EYA3: variants seen among roughly 807,000 people sequenced by gnomAD.
EYA3 encodes protein phosphatase EYA3.
A neutral mutation model predicts 80.0 loss-of-function variants in EYA3; 39 were observed. That is an observed-to-expected ratio of 0.49 (90% CI 0.38 to 0.64). EYA3 has a LOEUF of 0.64. EYA3 is among the 30% of genes least tolerant of loss of function. EYA3 has a pLI of 0.00. For synonymous variants in EYA3, 206 were observed against 232.8 expected (o/e 0.88, Z 1.05); for missense variants, 523 against 676.1 (o/e 0.77, Z 2.51).
At chr1:28,032,558 A>G (rs1350063074) in intron 6 of EYA3, among the ~76,000 whole-genome samples, 1 of 152,136 alleles carries the variant, frequency 6.6e-6, no homozygotes, top group African/African-American at 2.4e-5. Flanking sequence ...AGTTCTTTTA[A>G]AAGAAATCAG....
chr1:28,023,413 A>G (rs1032496212), intron 7 of EYA3, among the ~76,000 whole-genome samples: 1 of 152,202 alleles, frequency 6.6e-6, no homozygotes, highest in African/African-American at 2.4e-5. Context: ...GGGAGGAAAG[A>G]GTAACTTTAT....
intron 10 of EYA3, among the ~76,000 whole-genome samples, chr1:28,005,787 C>G (rs1270452012): frequency 6.6e-6 from 1 of 151,818 alleles, no homozygotes; most frequent in Admixed American, 6.6e-5. Context: ...AGAGGTAAAC[C>G]AAATTCAGCA....
At chr1:28,064,444 AG>A (rs1473912707) in intron 1 of EYA3, among the ~76,000 whole-genome samples, 1 of 151,184 alleles carries the variant, frequency 6.6e-6, no homozygotes, top group African/African-American at 2.4e-5. Context: ...AAAAAAAAAA[AG>A]AAGTGAACAA....
In EYA3 at chr1:28,042,783, T is replaced by C. The variant is rs72658322; in HGVS notation, c.78-133A>G. On this transcript the variant is annotated intron_variant, in intron 3 of 17. Transcript: ENST00000373871. Reference sequence around the variant, plus strand: ...GTAAATCTTCGTGATATCCTTATTGTTGATTTTTAACAACTACTTGAAGAG... The same window carrying C: ...GTAAATCTTCGTGATATCCTTATTGCTGATTTTTAACAACTACTTGAAGAG... 5,246 of 691,086 alleles carry C rather than the reference T, an allele frequency of 7.6e-3. 29 individuals carry two copies. Among genetic ancestry groups the C allele is most frequent in the African/African-American group, 0.017 (946 of 55,874 alleles). 42.8% of individuals were successfully genotyped at this position (691,086 alleles called of 1,614,324 possible).
In EYA3 at chr1:27,970,365, T is replaced by G. The variant is rs1357481868; in HGVS notation, c.*4101A>C. 1.3e-5 allele frequency: 2 copies of G among 152,216 alleles called. No individual in the cohort carries two copies. The highest frequency in any genetic ancestry group is 4.8e-5 in the African/African-American group (2 of 41,456). 9.4% of individuals were successfully genotyped at this position (152,216 alleles called of 1,614,324 possible). A position where few individuals can be genotyped will look rare whatever the true frequency, so the allele number is the denominator to read the frequency against. Reference sequence around the variant, plus strand: ...AAACTATAGAAAATAAAAACTTTATTTTTTTCAAGTTTATAAGATAGTTCC... The same window carrying G: ...AAACTATAGAAAATAAAAACTTTATGTTTTTCAAGTTTATAAGATAGTTCC... On this transcript the variant is annotated 3_prime_UTR_variant, in exon 18 of 18. Coordinates refer to ENST00000373871, the MANE Select transcript of EYA3 (RefSeq NM_001990.4).
chr1:28,081,328 T>C (rs186119792), intron 1 of EYA3, among the ~76,000 whole-genome samples: 1 of 152,314 alleles, frequency 6.6e-6, no homozygotes, highest in East Asian at 1.9e-4. Flanking sequence ...TTCATTAGTG[T>C]TGCCTAACTA....
intron 2 of EYA3, among the ~76,000 whole-genome samples, chr1:28,050,187 A>ATTT (rs1557617106): frequency 7.8e-6 from 1 of 127,938 alleles, no homozygotes; most frequent in Non-Finnish European, 1.7e-5. Flanking sequence ...TATTATTATT[A>ATTT]TTATTATTAT....
At chr1:28,080,751 TTTTG>T (rs887043392) in intron 1 of EYA3, among the ~76,000 whole-genome samples, 3 of 152,166 alleles carry the variant, frequency 2.0e-5, no homozygotes, top group Admixed American at 6.5e-5. Context: ...TGGTTCTCTT[TTTTG>T]TTTGTTTGTT....
chr1:28,049,672 C>T lies in EYA3; in HGVS notation c.34-1246G>A, dbSNP rs532464069. On this transcript the variant is annotated intron_variant, in intron 2 of 17. Coordinates refer to ENST00000373871, the MANE Select transcript of EYA3 (RefSeq NM_001990.4). Reference sequence around the variant, plus strand: ...AATCTAACTGTATTACCAATGTATACGACTATCTCACTGAAAGAGGTGAGG... The same window carrying T: ...AATCTAACTGTATTACCAATGTATATGACTATCTCACTGAAAGAGGTGAGG... 3.9e-5 allele frequency among the ~76,000 whole-genome samples: 6 copies of T among 152,112 alleles called. No individual in the cohort carries two copies. In the South Asian group the frequency reaches 8.3e-4, roughly 21 times the overall value.
chr1:28,049,068 G>A (rs2148879197), intron 2 of EYA3, among the ~76,000 whole-genome samples: 1 of 152,238 alleles, frequency 6.6e-6, no homozygotes, highest in South Asian at 2.1e-4. Context: ...GTTAGAACTG[G>A]TTGTAGTAGA....
At chr1:28,010,409 G>T (rs902805610) in intron 10 of EYA3, among the ~76,000 whole-genome samples, 1 of 151,998 alleles carries the variant, frequency 6.6e-6, no homozygotes, top group Non-Finnish European at 1.5e-5. Context: ...TTTTCTTTTT[G>T]AGACAGAGTC....
intron 6 of EYA3, among the ~76,000 whole-genome samples, chr1:28,029,513 T>C (rs530530317): frequency 3.3e-5 from 5 of 152,306 alleles, no homozygotes; most frequent in Non-Finnish European, 5.9e-5. Context: ...AAGGATATTC[T>C]TTATGAGTGA....
chr1:28,036,713 T>C (rs573395259), intron 5 of EYA3, among the ~76,000 whole-genome samples: 95 of 152,364 alleles, frequency 6.2e-4, no homozygotes, highest in African/African-American at 2.2e-3. Flanking sequence ...AATTGTTTCA[T>C]CCATGATATT....
chr1:27,986,488 C>T (rs1269768227), intron 16 of EYA3, among the ~76,000 whole-genome samples: 2 of 148,762 alleles, frequency 1.3e-5, no homozygotes, highest in African/African-American at 5.0e-5. Context: ...AACTCCACCT[C>T]CCAGGCTCAA....
chr1:28,028,851 C>T (rs1418309406), intron 6 of EYA3, among the ~76,000 whole-genome samples: 2 of 151,986 alleles, frequency 1.3e-5, no homozygotes, highest in African/African-American at 2.4e-5. Context: ...GCCTCAGCTA[C>T]AGGAGTAGCT....
chr1:28,028,479 T>C (rs1642918898), intron 6 of EYA3, among the ~76,000 whole-genome samples: 1 of 152,006 alleles, frequency 6.6e-6, no homozygotes, highest in South Asian at 2.1e-4. Flanking sequence ...ATTACAGAAA[T>C]ACATAATTTA....
intron 1 of EYA3, among the ~76,000 whole-genome samples, chr1:28,063,849 C>A (rs2148912525): frequency 6.6e-6 from 1 of 152,182 alleles, no homozygotes; most frequent in East Asian, 1.9e-4. Flanking sequence ...TCATTTTTAT[C>A]TTATTGATTT....
At chr1:28,051,678 CTCTG>C (rs1283848905) in intron 2 of EYA3, among the ~76,000 whole-genome samples, 8 of 152,040 alleles carry the variant, frequency 5.3e-5, no homozygotes, top group Admixed American at 5.2e-4. Context: ...CAAGGCAAGA[CTCTG>C]TCTAAAACAA....
intron 3 of EYA3, 93 bp from the exon 4 acceptor site, chr1:28,042,743 T>C: frequency 5.2e-6 from 5 of 960,730 alleles, no homozygotes; most frequent in Non-Finnish European, 8.4e-6. Context: ...CTAGGCTATA[T>C]AAGTAAGAGG....
Sources: gnomAD v4.1 joint callset for allele counts (sites outside exome capture counted in the v4.1 genomes callset) on GRCh38, gnomAD v4.1.1 for gene constraint, MANE v1.5 for transcripts, NCBI Gene and HGNC (gene_info 2026-07-23, HGNC 2026-07-21) for gene names.